The following PLCL2 variants were observed in gnomAD, a reference collection of about 807,000 sequenced individuals.
PLCL2 encodes phospholipase C like 2.
PLCL2 carries 4 observed loss-of-function variants against 79.6 expected under a neutral mutation model. The observed-to-expected ratio is 0.05, with a 90% CI of 0.02 to 0.11. PLCL2 has a LOEUF of 0.11. PLCL2 is among the 10% of genes least tolerant of loss of function. The pLI is 1.00. For synonymous variants in PLCL2, 484 were observed against 457.7 expected (o/e 1.06, Z -0.73); for missense variants, 895 against 1,291.0 (o/e 0.69, Z 4.70).
At chr3:16,938,917 G>A (rs1697609551) in intron 1 of PLCL2, among the ~76,000 whole-genome samples, 1 of 152,234 alleles carries the variant, frequency 6.6e-6, no homozygotes, top group Non-Finnish European at 1.5e-5. Context: ...ATAAGTGTTT[G>A]AGGGAGGATA....
At chr3:17,035,882 G>A in intron 3 of PLCL2, 1 of 468,450 alleles carries the variant, frequency 2.1e-6, no homozygotes, top group Non-Finnish European at 4.2e-6. Flanking sequence ...ACCCAAATAT[G>A]CTCCTCTGTA....
chr3:17,075,518 G>T (rs113187566), intron 5 of PLCL2, among the ~76,000 whole-genome samples: 1 of 147,312 alleles, frequency 6.8e-6, no homozygotes, highest in Non-Finnish European at 1.5e-5. Flanking sequence ...CTTGCTTGAC[G>T]CAAGGTTGCC....
chr3:16,969,958 G>T (rs2063841951), intron 1 of PLCL2, among the ~76,000 whole-genome samples: 1 of 150,994 alleles, frequency 6.6e-6, no homozygotes, highest in Non-Finnish European at 1.5e-5. Context: ...TAATTTCCTT[G>T]TTTACCCAAA....
chr3:17,038,301 A>G (rs974048549), intron 3 of PLCL2, among the ~76,000 whole-genome samples: 2 of 152,218 alleles, frequency 1.3e-5, no homozygotes, highest in Admixed American at 1.3e-4. Flanking sequence ...AAAAAACAAT[A>G]TAAGCATCCA....
intron 3 of PLCL2, among the ~76,000 whole-genome samples, chr3:17,023,873 C>G (rs1475469913): frequency 1.3e-5 from 2 of 152,142 alleles, no homozygotes; most frequent in East Asian, 1.9e-4. Context: ...AGGTGGAAAG[C>G]TCCAGGGAAA....
chr3:16,957,826 G>A (rs2063720736), intron 1 of PLCL2, among the ~76,000 whole-genome samples: 2 of 152,220 alleles, frequency 1.3e-5, no homozygotes, highest in East Asian at 3.9e-4. Flanking sequence ...TTTAAAGTCT[G>A]TTTTATCAGA....
chr3:16,899,729 A>G (rs961946002), intron 1 of PLCL2, among the ~76,000 whole-genome samples: 2 of 151,962 alleles, frequency 1.3e-5, no homozygotes, highest in African/African-American at 4.8e-5. Context: ...CTTGGTCTGA[A>G]TGATTCAGTT....
At chr3:16,908,845 G>A (rs962827665) in intron 1 of PLCL2, among the ~76,000 whole-genome samples, 1 of 152,122 alleles carries the variant, frequency 6.6e-6, no homozygotes, top group East Asian at 1.9e-4. Context: ...TGTGATATGA[G>A]TAGAGACTAT....
intron 5 of PLCL2, among the ~76,000 whole-genome samples, chr3:17,085,126 T>A (rs776733196): frequency 6.6e-6 from 1 of 151,854 alleles, no homozygotes; most frequent in Non-Finnish European, 1.5e-5. Flanking sequence ...ATCAATTGAT[T>A]TCTTTTTTTA....
intron 1 of PLCL2, among the ~76,000 whole-genome samples, chr3:16,976,841 G>T (rs573760047): frequency 1.3e-5 from 2 of 152,276 alleles, no homozygotes; most frequent in Admixed American, 6.5e-5. Context: ...GGTGGCATTT[G>T]GGTGGCTGAC....
intron 4 of PLCL2, among the ~76,000 whole-genome samples, chr3:17,058,394 C>A (rs1254846474): frequency 6.6e-6 from 1 of 152,134 alleles, no homozygotes; most frequent in Non-Finnish European, 1.5e-5. Context: ...AACAAACATT[C>A]TGAAGGTTGT....
intron 1 of PLCL2, among the ~76,000 whole-genome samples, chr3:16,900,715 TC>T (rs1575518315): frequency 6.6e-6 from 1 of 152,206 alleles, no homozygotes; most frequent in East Asian, 1.9e-4. Flanking sequence ...ATGCTCCCGT[TC>T]GGTGGACATC....
chr3:16,915,344 A>C (rs1696969116), intron 1 of PLCL2, among the ~76,000 whole-genome samples: 1 of 152,038 alleles, frequency 6.6e-6, no homozygotes, highest in South Asian at 2.1e-4. Context: ...AAGGTGAGAG[A>C]TTCTGGGTAC....
At chr3:16,908,082 G>A (rs1696791004) in intron 1 of PLCL2, among the ~76,000 whole-genome samples, 1 of 152,048 alleles carries the variant, frequency 6.6e-6, no homozygotes. Context: ...TCCCTTTCGT[G>A]GGTTTTCTGT....
chr3:16,988,132 G>C (rs1265907649), intron 1 of PLCL2, among the ~76,000 whole-genome samples: 1 of 152,132 alleles, frequency 6.6e-6, no homozygotes, highest in Non-Finnish European at 1.5e-5. Context: ...AAGTAAAAAG[G>C]TCGTGGAGTG....
intron 1 of PLCL2, among the ~76,000 whole-genome samples, chr3:16,951,381 G>A (rs1461386484): frequency 6.6e-6 from 1 of 151,684 alleles, no homozygotes; most frequent in African/African-American, 2.4e-5. Context: ...TCTGAATTTT[G>A]AAAGTAATAA....
At chr3:16,945,595 A>G (rs1334933088) in intron 1 of PLCL2, among the ~76,000 whole-genome samples, 2 of 152,156 alleles carry the variant, frequency 1.3e-5, no homozygotes, top group Non-Finnish European at 2.9e-5. Flanking sequence ...TGGATTTACT[A>G]TAGTGTGTTG....
At chr3:17,012,909 T>C (rs2064342244) in intron 2 of PLCL2, among the ~76,000 whole-genome samples, 1 of 152,168 alleles carries the variant, frequency 6.6e-6, no homozygotes, top group Non-Finnish European at 1.5e-5. Context: ...GTGTGATAAG[T>C]GCTCCATGTC....
chr3:17,021,752 C>G (rs953847529), intron 3 of PLCL2, among the ~76,000 whole-genome samples: 1 of 152,088 alleles, frequency 6.6e-6, no homozygotes, highest in Non-Finnish European at 1.5e-5. Context: ...AGTTGGATAT[C>G]CATCTCTAAA....
Sources: gnomAD v4.1 joint callset for allele counts (sites outside exome capture counted in the v4.1 genomes callset) on GRCh38, gnomAD v4.1.1 for gene constraint, MANE v1.5 for transcripts, NCBI Gene and HGNC (gene_info 2026-07-23, HGNC 2026-07-21) for gene names.